Variants in AFF3 observed in about 807,000 individuals in gnomAD.
The protein encoded by AFF3 is AF4/FMR2 family member 3.
In AFF3, 32 loss-of-function variants were observed where a neutral mutation model predicts 129.7. That is an observed-to-expected ratio of 0.25 (90% CI 0.19 to 0.33). AFF3 has a LOEUF of 0.33. Ranked by LOEUF, AFF3 falls within the 10% of genes least tolerant of loss-of-function variation. AFF3 has a pLI of 1.00. For missense variants in AFF3, 1,373 were observed against 1,592.0 expected (o/e 0.86, Z 2.34); for synonymous variants, 644 against 635.4 (o/e 1.01, Z -0.20).
In AFF3 at chr2:100,115,013, T is replaced by G. The variant is rs528747088; in HGVS notation, c.-144-9430A>C. ...AGAGAGTCCTCAAAAAGACTTTTGTTTGTTATGCAAGGTGATGATCAAGAT... is the reference window on the plus strand; with the variant it reads ...AGAGAGTCCTCAAAAAGACTTTTGTGTGTTATGCAAGGTGATGATCAAGAT... On this transcript the variant is annotated intron_variant, in intron 2 of 24. Coordinates refer to ENST00000672756, the MANE Select transcript of AFF3 (RefSeq NM_001386135.1). Among the ~76,000 whole-genome samples the G allele has an allele frequency of 6.6e-5, 10 of 152,326 alleles. No homozygotes were observed. In the South Asian group the frequency reaches 2.1e-3, roughly 32 times the overall value.
intron 7 of AFF3, among the ~76,000 whole-genome samples, chr2:99,894,652 T>A (rs1284487379): frequency 6.6e-6 from 1 of 151,800 alleles, no homozygotes; most frequent in Non-Finnish European, 1.5e-5. Flanking sequence ...TTTTTTTGTA[T>A]TTTTAGTAAA....
chr2:100,063,672 C>T (rs1001507717), intron 4 of AFF3, among the ~76,000 whole-genome samples: 2 of 151,824 alleles, frequency 1.3e-5, no homozygotes, highest in African/African-American at 2.4e-5. Context: ...TATGTCTCAT[C>T]GGAGACCTAG....
At chr2:99,818,490 G>A (rs929597365) in intron 8 of AFF3, among the ~76,000 whole-genome samples, 1 of 152,138 alleles carries the variant, frequency 6.6e-6, no homozygotes, top group South Asian at 2.1e-4. Flanking sequence ...AAACGTCTAT[G>A]TAAAGTCTGG....
chr2:99,551,237 A>C lies in AFF3; in HGVS notation c.*237T>G. On this transcript the variant is annotated 3_prime_UTR_variant, in exon 25 of 25. Coordinates refer to ENST00000672756, the MANE Select transcript of AFF3 (RefSeq NM_001386135.1). ...CTTTGTCTAGCCTGGGATTATGGAA[A>C]CTAGACAAAGAAGGTGTGTTCTGAA... The C allele has an allele frequency of 1.7e-6, 1 of 580,242 alleles. No homozygotes were observed. Among genetic ancestry groups the C allele is most frequent in the Non-Finnish European group, 3.0e-6 (1 of 330,796 alleles). 35.9% of individuals were successfully genotyped at this position (580,242 alleles called of 1,614,324 possible).
At chr2:99,863,065 A>G (rs1484757579) in intron 7 of AFF3, among the ~76,000 whole-genome samples, 2 of 152,250 alleles carry the variant, frequency 1.3e-5, no homozygotes, top group Non-Finnish European at 2.9e-5. Context: ...TTAAAAACTA[A>G]TTCATCCTTC....
intron 8 of AFF3, among the ~76,000 whole-genome samples, chr2:99,797,568 T>C (rs1576013213): frequency 6.6e-6 from 1 of 152,154 alleles, no homozygotes; most frequent in East Asian, 1.9e-4. Context: ...TCTACAGATG[T>C]AAGAGACTCA....
chr2:100,141,524 A>G (rs983195974), intron 1 of AFF3, among the ~76,000 whole-genome samples: 1 of 152,194 alleles, frequency 6.6e-6, no homozygotes, highest in African/African-American at 2.4e-5. Context: ...TGGATTATTT[A>G]GTTTGTACGA....
intron 7 of AFF3, among the ~76,000 whole-genome samples, chr2:99,966,890 G>A (rs1007798016): frequency 1.3e-5 from 2 of 151,940 alleles, no homozygotes; most frequent in African/African-American, 4.8e-5. Flanking sequence ...ATTGGAAACA[G>A]ATTAATAGCA....
intron 7 of AFF3, among the ~76,000 whole-genome samples, chr2:99,953,566 G>GT (rs1416921442): frequency 6.6e-6 from 1 of 152,182 alleles, no homozygotes; most frequent in Non-Finnish European, 1.5e-5. Context: ...TTGTGGATCG[G>GT]TAATAGCTAT....
chr2:99,947,692 G>T (rs1675770723), intron 7 of AFF3, among the ~76,000 whole-genome samples: 1 of 151,226 alleles, frequency 6.6e-6, no homozygotes, highest in African/African-American at 2.4e-5. Flanking sequence ...CCAAACACAG[G>T]CACACTGAGT....
chr2:99,554,461 A>T lies in AFF3; in HGVS notation c.3409T>A (p.Ser1137Thr). The T allele has an allele frequency of 6.2e-7, 1 of 1,613,974 alleles. No individual in the cohort carries two copies. Among genetic ancestry groups the T allele is most frequent in the Non-Finnish European group, 8.5e-7 (1 of 1,180,014 alleles). Residue 1137 changes from serine (S) to threonine (T), a missense_variant, in exon 24 of 25, where the codon TCC becomes ACC. By Grantham distance (58) the Ser-to-Thr change is moderately conservative. Transcript: ENST00000672756. Reference protein sequence around the residue: ...ASSVGSQGSLSNASALSPSTI... With the variant: ...ASSVGSQGSLTNASALSPSTI... ...GACGGGGACAGGGCGCTGGCGTTGGAGAGGCTGCCCTGAGACCCCACGGAG... is the reference window on the plus strand; with the variant it reads ...GACGGGGACAGGGCGCTGGCGTTGGTGAGGCTGCCCTGAGACCCCACGGAG...
chr2:99,874,072 G>A (rs1293538818), intron 7 of AFF3, among the ~76,000 whole-genome samples: 1 of 152,152 alleles, frequency 6.6e-6, no homozygotes, highest in Non-Finnish European at 1.5e-5. Flanking sequence ...AGCTACTCGG[G>A]AGGCTGAGGC....
intron 4 of AFF3, among the ~76,000 whole-genome samples, chr2:100,085,800 C>G (rs959844819): frequency 6.6e-6 from 1 of 152,136 alleles, no homozygotes; most frequent in African/African-American, 2.4e-5. Flanking sequence ...TCTCTCCACA[C>G]AGACTCCATG....
intron 4 of AFF3, among the ~76,000 whole-genome samples, chr2:100,081,282 T>C (rs1379638352): frequency 6.6e-6 from 1 of 152,062 alleles, no homozygotes; most frequent in African/African-American, 2.4e-5. Context: ...AGAAAAAGTC[T>C]TGATACAGAG....
intron 8 of AFF3, among the ~76,000 whole-genome samples, chr2:99,788,255 C>T (rs1359686700): frequency 6.6e-6 from 1 of 152,124 alleles, no homozygotes; most frequent in Non-Finnish European, 1.5e-5. Context: ...AAAAAGTTAA[C>T]TGTAAAACAG....
At chr2:99,616,345 T>G (rs1266669812) in intron 13 of AFF3, among the ~76,000 whole-genome samples, 1 of 152,186 alleles carries the variant, frequency 6.6e-6, no homozygotes, top group East Asian at 1.9e-4. Flanking sequence ...CTTTGACTTT[T>G]TTTTTTTAAA....
chr2:100,046,233 T>C (rs1685819930), intron 4 of AFF3, among the ~76,000 whole-genome samples: 2 of 152,162 alleles, frequency 1.3e-5, no homozygotes, highest in Admixed American at 1.3e-4. Flanking sequence ...ATCCTATACC[T>C]ACTCTATAGT....
intron 11 of AFF3, among the ~76,000 whole-genome samples, chr2:99,696,972 A>G (rs1676344860): frequency 1.3e-5 from 2 of 152,210 alleles, no homozygotes; most frequent in African/African-American, 4.8e-5. Context: ...GGCTATAGGC[A>G]GGGACCTGCC....
At chr2:99,754,213 T>C (rs539462816) in intron 8 of AFF3, among the ~76,000 whole-genome samples, 1 of 152,236 alleles carries the variant, frequency 6.6e-6, no homozygotes, top group Non-Finnish European at 1.5e-5. Context: ...TCAAATCTTC[T>C]GTAGAGAAAT....
Sources: allele counts gnomAD v4.1 joint callset (sites outside exome capture counted in the v4.1 genomes callset), GRCh38; gene constraint gnomAD v4.1.1; transcripts MANE v1.5; gene names NCBI Gene and HGNC (gene_info 2026-07-23, HGNC 2026-07-21).